DACH1: variants seen among roughly 807,000 people sequenced by gnomAD.
DACH1 encodes dachshund family transcription factor 1.
DACH1 carries 12 observed loss-of-function variants against 54.2 expected under a neutral mutation model. That is an observed-to-expected ratio of 0.22 (90% CI 0.14 to 0.36). DACH1 has a LOEUF of 0.36. Among genes scored for constraint, DACH1 ranks in the 10% least tolerant of loss-of-function variants. The pLI is 1.00. For synonymous variants in DACH1, 386 were observed against 366.2 expected, an observed-to-expected ratio of 1.05 and a Z score of -0.62; for missense variants, 805 against 929.8, an observed-to-expected ratio of 0.87 and a Z score of 1.75.
At chr13:71,613,848 A>G (rs568600764) in intron 3 of DACH1, among the ~76,000 whole-genome samples, 1 of 152,052 alleles carries the variant, frequency 6.6e-6, no homozygotes, top group Non-Finnish European at 1.5e-5. Context: ...AGTTGCTGGG[A>G]CCACAGGTGT....
In DACH1 at chr13:71,699,893, T is replaced by C. The variant is rs965161038; in HGVS notation, c.849-17983A>G. On this transcript the variant is annotated intron_variant, in intron 1 of 10. Transcript: ENST00000613252. ...TAGTCTCACTTTATGTCAAAATGGA[T>C]ATTTTTACTTTCATTAAAAAAATGT... 1.4e-4 allele frequency among the ~76,000 whole-genome samples: 21 copies of C among 152,258 alleles called. 1 individual carries two copies. The highest frequency in any genetic ancestry group is 2.5e-4 in the Non-Finnish European group (17 of 68,038).
chr13:71,732,881 A>G (rs1221313543), intron 1 of DACH1, among the ~76,000 whole-genome samples: 2 of 152,126 alleles, frequency 1.3e-5, no homozygotes, highest in Non-Finnish European at 2.9e-5. Flanking sequence ...TCTTAGCATG[A>G]CACTGGAATG....
Position 71,836,014 on chromosome 13 carries a change from T to C in DACH1, c.848+29908A>G, listed in dbSNP as rs142251580. Among the ~76,000 whole-genome samples the C allele has an allele frequency of 5.0e-3, 758 of 152,186 alleles. 3 individuals carry two copies. The highest frequency in any genetic ancestry group is 0.016 in the African/African-American group (656 of 41,558). On this transcript the variant is annotated intron_variant, in intron 1 of 10. Coordinates refer to ENST00000613252, the MANE Select transcript of DACH1 (RefSeq NM_080759.6). The stretch of plus-strand genomic sequence containing the variant: ...TTGAAAAAATAAAATAGTTCACTAA[T>C]ACTCCAATTAAAAGCAGAACGGTTG...
chr13:71,862,010 T>C (rs988496702), intron 1 of DACH1, among the ~76,000 whole-genome samples: 8 of 151,828 alleles, frequency 5.3e-5, no homozygotes, highest in Non-Finnish European at 1.2e-4. Flanking sequence ...TAAAACACTT[T>C]CAATATTTTG....
intron 1 of DACH1, among the ~76,000 whole-genome samples, chr13:71,807,218 G>A (rs1403066133): frequency 6.6e-6 from 1 of 152,082 alleles, no homozygotes; most frequent in East Asian, 1.9e-4. Context: ...GTAGTTTTAT[G>A]TCCAAAAACA....
chr13:71,686,667 G>GT (rs1372401523), intron 1 of DACH1, among the ~76,000 whole-genome samples: 5 of 152,136 alleles, frequency 3.3e-5, no homozygotes, highest in Admixed American at 2.6e-4. Context: ...CTCTTCAGTA[G>GT]TTTTTGAGAA....
chr13:71,837,483 C>G (rs1018054220), intron 1 of DACH1, among the ~76,000 whole-genome samples: 6 of 152,058 alleles, frequency 3.9e-5, no homozygotes, highest in African/African-American at 1.4e-4. Flanking sequence ...ACTGTTACTC[C>G]TATTTATCAC....
chr13:71,785,884 T>C (rs912951970), intron 1 of DACH1, among the ~76,000 whole-genome samples: 2 of 152,144 alleles, frequency 1.3e-5, no homozygotes, highest in African/African-American at 4.8e-5. Context: ...CAACTATGCA[T>C]CACAAAACCC....
At chr13:71,619,108 A>G (rs946073067) in intron 3 of DACH1, among the ~76,000 whole-genome samples, 4 of 149,014 alleles carry the variant, frequency 2.7e-5, no homozygotes, top group South Asian at 2.1e-4. Context: ...TTATATATAT[A>G]TGTGTGTATA....
In DACH1 at chr13:71,866,538, CGCCGCCGCCGCCGGTAGAGGTGACTGTG is replaced by C; in HGVS notation, c.204_231del (p.Thr69AlafsTer116). 8.1e-7 allele frequency: 1 copy of C among 1,240,286 alleles called. No individual in the cohort carries two copies. Among genetic ancestry groups the C allele is most frequent in the Non-Finnish European group, 1.0e-6 (1 of 988,678 alleles). The allele number at this position is 1,240,286 out of a possible 1,614,324, so 76.8% of individuals were successfully genotyped here. A position where few individuals can be genotyped will look rare whatever the true frequency, so the allele number is the denominator to read the frequency against. Reference sequence around the variant, plus strand: ...CCGCCGCCTCCGCTGCCGCCGCCGCCGCCGCCGCCGCCGGTAGAGGTGACTGTGGCCGCCGCCGCCGCCGCCGAAGCGA... The same window carrying C: ...CCGCCGCCTCCGCTGCCGCCGCCGCCGCCGCCGCCGCCGCCGCCGAAGCGA... On this transcript the variant is annotated frameshift_variant, in exon 1 of 11. Transcript: ENST00000613252. LOFTEE classifies it high-confidence loss of function.
intron 3 of DACH1, among the ~76,000 whole-genome samples, chr13:71,619,750 TGTATGA>T (rs1876068003): frequency 6.6e-6 from 1 of 151,954 alleles, no homozygotes; most frequent in Middle Eastern, 3.2e-3. Context: ...GTGGGGTTTG[TGTATGA>T]GTGTCTAGCT....
intron 2 of DACH1, among the ~76,000 whole-genome samples, chr13:71,632,082 C>G (rs1480762426): frequency 7.0e-6 from 1 of 143,378 alleles, no homozygotes; most frequent in African/African-American, 2.6e-5. Context: ...AGACTCTGTC[C>G]CAAAAAAAGA....
chr13:71,676,872 T>G (rs990581919), intron 2 of DACH1, among the ~76,000 whole-genome samples: 1 of 152,196 alleles, frequency 6.6e-6, no homozygotes, highest in African/African-American at 2.4e-5. Context: ...GTATTAGTTA[T>G]ATGTCTACAA....
intron 1 of DACH1, among the ~76,000 whole-genome samples, chr13:71,771,355 A>AAATAAATC (rs1555320915): frequency 6.6e-6 from 1 of 150,392 alleles, no homozygotes; most frequent in African/African-American, 2.4e-5. Context: ...ATAAATAAAT[A>AAATAAATC]AATCTTTGCC....
At chr13:71,751,556 G>A (rs1884927692) in intron 1 of DACH1, among the ~76,000 whole-genome samples, 1 of 152,100 alleles carries the variant, frequency 6.6e-6, no homozygotes, top group African/African-American at 2.4e-5. Flanking sequence ...CATCTTACAT[G>A]TTGATTCACC....
chr13:71,626,851 CAGG>C (rs1159726706), intron 3 of DACH1, among the ~76,000 whole-genome samples: 2 of 152,044 alleles, frequency 1.3e-5, no homozygotes, highest in Non-Finnish European at 2.9e-5. Context: ...TTTCAGTAAG[CAGG>C]AGATTTGTCC....
intron 6 of DACH1, among the ~76,000 whole-genome samples, chr13:71,529,929 T>C (rs1296039128): frequency 2.0e-5 from 3 of 152,218 alleles, no homozygotes; most frequent in Non-Finnish European, 4.4e-5. Context: ...CTTTAATTGA[T>C]AAAGAAAAAT....
At chr13:71,746,077 G>A (rs1439683827) in intron 1 of DACH1, among the ~76,000 whole-genome samples, 1 of 152,084 alleles carries the variant, frequency 6.6e-6, no homozygotes, top group Non-Finnish European at 1.5e-5. Flanking sequence ...AATTAGCTGG[G>A]CGTGGTGGCA....
chr13:71,463,441 C>A (rs998654248), intron 10 of DACH1, among the ~76,000 whole-genome samples: 2 of 152,002 alleles, frequency 1.3e-5, no homozygotes, highest in South Asian at 4.1e-4. Context: ...CATTTTGAAT[C>A]TTAATCCTCA....
Sources: gnomAD v4.1 joint callset for allele counts (sites outside exome capture counted in the v4.1 genomes callset) on GRCh38, gnomAD v4.1.1 for gene constraint, MANE v1.5 for transcripts, NCBI Gene and HGNC (gene_info 2026-07-23, HGNC 2026-07-21) for gene names.